APOC1: variants seen among roughly 807,000 people sequenced by gnomAD.
APOC1 encodes apolipoprotein C1, also known as apolipoprotein C-I.
APOC1 carries 4 observed loss-of-function variants against 6.7 expected under a neutral mutation model. The observed-to-expected ratio is 0.60, with a 90% confidence interval of 0.29 to 1.37. The LOEUF is 1.37. APOC1 is among the 40% of genes most tolerant of loss of function. The probability of loss-of-function intolerance (pLI) is 0.09; values close to 1 mark genes in which losing one functional copy is unlikely to be tolerated. For missense variants in APOC1, 122 were observed against 99.4 expected (o/e 1.23, Z -0.97); for synonymous variants, 33 against 40.6 (o/e 0.81, Z 0.72).
intron 3 of APOC1, among the ~76,000 whole-genome samples, chr19:44,916,713 G>A (rs1018339627): frequency 2.0e-5 from 3 of 151,048 alleles, no homozygotes; most frequent in South Asian, 4.2e-4. Context: ...CCAGCTAGTC[G>A]GGAGGCTGAG....
chr19:44,918,910 C>T (rs1386090108), intron 3 of APOC1: 3 of 486,610 alleles, frequency 6.2e-6, no homozygotes, highest in Non-Finnish European at 1.1e-5. Context: ...CAGCCTACCT[C>T]GGCCTCCCAA....
At chr19:44,919,062 G>C (rs1466987291) in intron 3 of APOC1, 111 bp from the exon 4 acceptor site, 6 of 967,082 alleles carry the variant, frequency 6.2e-6, no homozygotes, top group Non-Finnish European at 9.8e-6. Flanking sequence ...CACAGACAGT[G>C]GGGATGGAGA....
intron 3 of APOC1, among the ~76,000 whole-genome samples, chr19:44,916,928 G>A (rs1039556508): frequency 3.4e-5 from 5 of 147,614 alleles, no homozygotes; most frequent in African/African-American, 5.0e-5. Context: ...CCAGGAGTTC[G>A]AGACCAGCCT....
intron 2 of APOC1, among the ~76,000 whole-genome samples, chr19:44,915,864 G>T (rs1969994644): frequency 6.6e-6 from 1 of 151,976 alleles, no homozygotes; most frequent in South Asian, 2.1e-4. Flanking sequence ...AGCTACTCGG[G>T]AGGCTGAGGC....
At chr19:44,915,314 T>TA (rs2122155269) in intron 2 of APOC1, 2 of 177,468 alleles carry the variant, frequency 1.1e-5, no homozygotes, top group Admixed American at 6.0e-5. Context: ...TCCTCCCCAT[T>TA]CTTTTTTTTT....
intron 2 of APOC1, 30 bp from the exon 3 acceptor site, chr19:44,916,160 A>G (rs1970002703): frequency 1.3e-6 from 2 of 1,538,258 alleles, no homozygotes; most frequent in African/African-American, 1.4e-5. Context: ...AAAAAAACAA[A>G]TTTTGAACCC....
chr19:44,919,136 T>A (rs1970057844), intron 3 of APOC1, 37 bp from the exon 4 acceptor site: 1 of 1,585,844 alleles, frequency 6.3e-7, no homozygotes, highest in Non-Finnish European at 8.7e-7. Flanking sequence ...GGGAGGTAGC[T>A]GCACACAGTG....
At chr19:44,916,408 G>GA (rs770417540) in intron 3 of APOC1, 83 bp downstream of exon 3, 4,251 of 1,488,300 alleles carry the variant, frequency 2.9e-3, no homozygotes, top group South Asian at 3.6e-3. Flanking sequence ...TGAACAGATT[G>GA]AAAAAAAAAC....
rs1004034343 is a variant in APOC1, at chr19:44,915,107, G to A, written c.58+158G>A. The A allele has an allele frequency of 2.7e-5, 20 of 732,828 alleles. No individual in the cohort carries two copies. The South Asian group carries it at 3.3e-4, about 12-fold the overall frequency. 45.4% of individuals were successfully genotyped at this position (732,828 alleles called of 1,614,324 possible). ...TCGGGTGGGTCTCCAGGTTCTCCCA[G>A]GCTCAGTCCCGCAGGCGCCAAATCT... On this transcript the variant is annotated intron_variant, in intron 2 of 3. Coordinates refer to ENST00000592535, the MANE Select transcript of APOC1 (RefSeq NM_001645.5).
At chr19:44,916,820 A>C (rs1970017897) in intron 3 of APOC1, among the ~76,000 whole-genome samples, 1 of 139,584 alleles carries the variant, frequency 7.2e-6, no homozygotes, top group African/African-American at 2.5e-5. Flanking sequence ...AAAAAAAAAA[A>C]AAAAAAAAAA....
intron 3 of APOC1, 81 bp from the exon 4 acceptor site, chr19:44,919,092 G>A (rs1461029060): frequency 5.0e-6 from 6 of 1,189,060 alleles, no homozygotes; most frequent in Non-Finnish European, 7.5e-6. Flanking sequence ...GGGAAGAGGT[G>A]GGAGTCAGGT....
chr19:44,916,444 C>T, intron 3 of APOC1, 119 bp downstream of exon 3: 1 of 1,316,126 alleles, frequency 7.6e-7, no homozygotes, highest in Non-Finnish European at 1.0e-6. Context: ...TGACAACATC[C>T]CTCTGGTCAC....
At chr19:44,915,241 G>T (rs950463809) in intron 2 of APOC1, 2 of 500,002 alleles carry the variant, frequency 4.0e-6, no homozygotes, top group Non-Finnish European at 7.3e-6. Flanking sequence ...GGGGCTCTGG[G>T]AGAGGTCAGT....
intron 3 of APOC1, among the ~76,000 whole-genome samples, chr19:44,918,054 G>A (rs997498339): frequency 3.3e-5 from 5 of 152,022 alleles, no homozygotes; most frequent in Non-Finnish European, 7.4e-5. Flanking sequence ...CGGATCACGA[G>A]GTCAGGAGTT....
intron 2 of APOC1, 35 bp from the exon 3 acceptor site, chr19:44,916,155 A>AAAAAAAAC (rs1970002289): frequency 6.6e-7 from 1 of 1,522,510 alleles, no homozygotes; most frequent in African/African-American, 1.4e-5. Context: ...AAAAAAAAAA[A>AAAAAAAAC]ACAAATTTTG....
chr19:44,915,406 C>T (rs1201144163), intron 2 of APOC1, among the ~76,000 whole-genome samples: 1 of 150,656 alleles, frequency 6.6e-6, no homozygotes, highest in East Asian at 2.0e-4. Flanking sequence ...TCACTGCAAG[C>T]TCCGCCTCCC....
Position 44,919,284 on chromosome 19 carries a change from C to A in APOC1, c.*54C>A. ...GCCTCTGAAATTTCCCACACCCCAG[C>A]GCCTGTGCTGAGGACTCCCTCCATG... On this transcript the variant is annotated 3_prime_UTR_variant, in exon 4 of 4. Transcript: ENST00000592535. 5.9e-6 allele frequency: 9 copies of A among 1,533,952 alleles called. No individual in the cohort carries two copies. In the South Asian group the frequency reaches 8.9e-5, roughly 15 times the overall value.
At chr19:44,917,672 C>A (rs1186691941) in intron 3 of APOC1, among the ~76,000 whole-genome samples, 2 of 151,774 alleles carry the variant, frequency 1.3e-5, no homozygotes, top group Admixed American at 1.3e-4. Flanking sequence ...TAGAGCCAGG[C>A]ATAAACTTAG....
chr19:44,916,537 G>C (rs1337582884), intron 3 of APOC1: 12 of 658,266 alleles, frequency 1.8e-5, no homozygotes, highest in South Asian at 2.2e-5. Context: ...ATGGTCTTGG[G>C]CTGGGCACGG....
Sources: gnomAD v4.1 joint callset for allele counts (sites outside exome capture counted in the v4.1 genomes callset) on GRCh38, gnomAD v4.1.1 for gene constraint, MANE v1.5 for transcripts, NCBI Gene and HGNC (gene_info 2026-07-23, HGNC 2026-07-21) for gene names.